Variants in IQSEC1 observed in about 807,000 individuals in gnomAD.
The protein encoded by IQSEC1 is IQ motif and Sec7 domain ArfGEF 1, also known as IQ motif and SEC7 domain-containing protein 1.
Under a neutral mutation model 91.0 loss-of-function variants are expected in IQSEC1, and 31 were observed. That is an observed-to-expected ratio of 0.34 (90% CI 0.26 to 0.46). IQSEC1 has a LOEUF of 0.46. Among genes scored for constraint, IQSEC1 ranks in the 20% least tolerant of loss-of-function variants. The pLI, the probability that IQSEC1 is intolerant of heterozygous loss-of-function variation, is 1.00. For missense variants in IQSEC1, 1,388 were observed against 1,575.6 expected (o/e 0.88, Z 2.02); for synonymous variants, 699 against 662.6 (o/e 1.05, Z -0.84).
chr3:13,069,623 G>C (rs2125108169), intron 1 of IQSEC1, among the ~76,000 whole-genome samples: 1 of 152,348 alleles, frequency 6.6e-6, no homozygotes, highest in South Asian at 2.1e-4. Context: ...ATGAATGATT[G>C]AACAGGCATG....
intron 1 of IQSEC1, among the ~76,000 whole-genome samples, chr3:12,955,191 ACT>A (rs1331933509): frequency 6.6e-6 from 1 of 152,224 alleles, no homozygotes; most frequent in Non-Finnish European, 1.5e-5. Context: ...TGCTGAAAAC[ACT>A]GTCCTGCAGG....
At chr3:13,186,303 C>G (rs987263241) in intron 1 of IQSEC1, among the ~76,000 whole-genome samples, 2 of 152,172 alleles carry the variant, frequency 1.3e-5, no homozygotes, top group African/African-American at 2.4e-5. Flanking sequence ...GAAGCTTGCA[C>G]TGGGAAGAGA....
chr3:12,920,625 C>T (rs376434148), intron 5 of IQSEC1, 29 bp from the exon 6 acceptor site: 65 of 1,611,268 alleles, frequency 4.0e-5, no homozygotes, highest in Non-Finnish European at 5.3e-5. Flanking sequence ...GGGGTCAGGG[C>T]CATGGCGCAG....
chr3:13,277,137 A>AAAAAAAAAAAAAAAAAAAAAAAAC (rs60347391), intron 1 of IQSEC1, among the ~76,000 whole-genome samples: 2 of 118,386 alleles, frequency 1.7e-5, no homozygotes, highest in African/African-American at 7.3e-5. Context: ...AAAAAAAAAA[A>AAAAAAAAAAAAAAAAAAAAAAAAC]CAGAAAACAA....
intron 2 of IQSEC1, among the ~76,000 whole-genome samples, chr3:13,151,839 G>A (rs1251526823): frequency 6.6e-6 from 1 of 152,012 alleles, no homozygotes; most frequent in East Asian, 1.9e-4. Context: ...GGTGGCAGGT[G>A]CCTGTAATCC....
At chr3:13,236,056 A>G (rs28410963) in intron 1 of IQSEC1, among the ~76,000 whole-genome samples, 4,995 of 151,952 alleles carry the variant, frequency 0.033, 277 homozygotes, top group African/African-American at 0.11. Flanking sequence ...GCCTTACGAG[A>G]TAGATGTATG....
Position 12,979,788 on chromosome 3 carries a change from T to TC in IQSEC1, c.24-37924dup, listed in dbSNP as rs1454967875. Among the ~76,000 whole-genome samples the TC allele has an allele frequency of 6.6e-6, 1 of 152,120 alleles. No homozygotes were observed. Among genetic ancestry groups the TC allele is most frequent in the Non-Finnish European group, 1.5e-5 (1 of 68,010 alleles). ...CTCTCTCATGTTCCAGGTGGTATGCTCCATGTCACCAAGAGCTGAGCCTGT... is the reference window on the plus strand; with the variant it reads ...CTCTCTCATGTTCCAGGTGGTATGCTCCCATGTCACCAAGAGCTGAGCCTGT... On this transcript the variant is annotated intron_variant, in intron 1 of 13. Transcript: ENST00000613206. This position sits in a 1 kb window ranked among gnomAD's most constrained non-coding sequence, Gnocchi z 4.3.
chr3:12,908,449 G>A lies in IQSEC1; in HGVS notation c.2655C>T (p.Asn885=), dbSNP rs552557649. 22 of 1,613,528 alleles carry A rather than the reference G, an allele frequency of 1.4e-5. No homozygotes were observed. The highest frequency in any genetic ancestry group is 6.6e-5 in the South Asian group (6 of 91,074). The change falls in exon 12 of 14, where the codon AAC becomes AAT. Residue 885 remains asparagine, a synonymous_variant. Coordinates refer to ENST00000613206, the MANE Select transcript of IQSEC1 (RefSeq NM_001134382.3). This position sits in a 1 kb window ranked among gnomAD's most constrained non-coding sequence, Gnocchi z 4.9. The stretch of plus-strand genomic sequence containing the variant: ...CCAGGCAGGCCCGGCTCAGTGTTCC[G>A]TTGCCCGACTCCTTTTTGAGGCTAG... ...QCSSLKKESG[N]GTLSRACLDD...
intron 1 of IQSEC1, among the ~76,000 whole-genome samples, chr3:13,264,353 G>A (rs1309666535): frequency 6.6e-6 from 1 of 152,202 alleles, no homozygotes; most frequent in African/African-American, 2.4e-5. Flanking sequence ...GGAGGCCGAG[G>A]GCTCTAAGGA....
At chr3:13,124,417 G>A (rs933079612) in intron 2 of IQSEC1, among the ~76,000 whole-genome samples, 4 of 152,222 alleles carry the variant, frequency 2.6e-5, no homozygotes, top group Non-Finnish European at 4.4e-5. Flanking sequence ...CTCTAAGGAA[G>A]ATCACATCCA....
rs1694442585 is a variant in IQSEC1, at chr3:13,211,448, T to C, written c.273-47315A>G. On this transcript the variant is annotated intron_variant, in intron 1 of 15. Transcript: ENST00000648114. This position sits in a 1 kb window ranked among gnomAD's most constrained non-coding sequence, Gnocchi z 5.3. The stretch of plus-strand genomic sequence containing the variant: ...GGCCCCCTCTGCCCCCTGCCCCAGG[T>C]CACCTTACAAACAAAGACCCCAACT... 6.8e-6 allele frequency among the ~76,000 whole-genome samples: 1 copy of C among 147,630 alleles called. No homozygotes were observed. Among genetic ancestry groups the C allele is most frequent in the South Asian group, 2.2e-4 (1 of 4,538 alleles).
chr3:12,907,748 C>T (rs964697410), intron 12 of IQSEC1, among the ~76,000 whole-genome samples: 1 of 152,340 alleles, frequency 6.6e-6, no homozygotes, highest in African/African-American at 2.4e-5. Context: ...AAACAGCTGG[C>T]AGCAAATTAA....
chr3:12,918,622 G>C (rs1696330562), intron 6 of IQSEC1, among the ~76,000 whole-genome samples: 1 of 152,134 alleles, frequency 6.6e-6, no homozygotes, highest in Non-Finnish European at 1.5e-5. Context: ...TTCAAGACCA[G>C]CCTGGGCAAC....
intron 1 of IQSEC1, among the ~76,000 whole-genome samples, chr3:13,036,531 T>C (rs1007494125): frequency 9.9e-5 from 15 of 152,178 alleles, no homozygotes; most frequent in African/African-American, 3.4e-4. Flanking sequence ...AGAACTGCAC[T>C]GTCCCCTCAA....
At chr3:13,123,344 A>G (rs1449878325) in intron 2 of IQSEC1, among the ~76,000 whole-genome samples, 1 of 152,238 alleles carries the variant, frequency 6.6e-6, no homozygotes, top group Admixed American at 6.5e-5. Flanking sequence ...ATCTTCTAAT[A>G]AAAAGACATT....
chr3:13,186,670 G>T lies in IQSEC1; in HGVS notation c.273-22537C>A, dbSNP rs370975092. ...AGACGGGGCAGAGCTAGTTCAGGGTGAGTCCTTGGGTGGTCCCAAGGAGGA... is the reference window on the plus strand; with the variant it reads ...AGACGGGGCAGAGCTAGTTCAGGGTTAGTCCTTGGGTGGTCCCAAGGAGGA... On this transcript the variant is annotated intron_variant, in intron 1 of 15. Transcript: ENST00000648114. 6.2e-3 allele frequency among the ~76,000 whole-genome samples: 941 copies of T among 152,274 alleles called. 42 individuals are homozygous for T. In the South Asian group the frequency reaches 0.11, roughly 18 times the overall value.
chr3:13,111,888 C>T (rs1400103061), intron 2 of IQSEC1, among the ~76,000 whole-genome samples: 1 of 152,158 alleles, frequency 6.6e-6, no homozygotes, highest in Non-Finnish European at 1.5e-5. Flanking sequence ...TTTAAGCCCC[C>T]ACAAGTCTCC....
chr3:13,217,502 T>C (rs1439304297), intron 1 of IQSEC1, among the ~76,000 whole-genome samples: 1 of 152,174 alleles, frequency 6.6e-6, no homozygotes, highest in East Asian at 1.9e-4. Context: ...ACACCATTTT[T>C]TTCACAATGC....
Position 12,935,760 on chromosome 3 carries a change from T to C in IQSEC1, c.1256A>G (p.Glu419Gly), listed in dbSNP as rs548917993. 308 of 1,608,550 alleles carry C rather than the reference T, an allele frequency of 1.9e-4. No homozygotes were observed. Among genetic ancestry groups the C allele is most frequent in the Non-Finnish European group, 2.5e-4 (297 of 1,179,636 alleles). Residue 419 changes from glutamate (E) to glycine (G), a missense_variant, in exon 3 of 14, where the codon GAG (glutamate) becomes GGG (glycine). Coordinates refer to ENST00000613206, the MANE Select transcript of IQSEC1 (RefSeq NM_001134382.3). This position sits in a 1 kb window ranked among gnomAD's most constrained non-coding sequence, Gnocchi z 8.0. ...GGGCCGGGGCCGCAACTCAGGCTCCTCCCGGGGGAGGCTCTTGGGGGCGCC... is the reference window on the plus strand; with the variant it reads ...GGGCCGGGGCCGCAACTCAGGCTCCCCCCGGGGGAGGCTCTTGGGGGCGCC... Reference protein sequence around the residue: ...HSGAPKSLPREEPELRPRPPR... With the variant: ...HSGAPKSLPRGEPELRPRPPR...
Sources: gnomAD v4.1 joint callset for allele counts (sites outside exome capture counted in the v4.1 genomes callset) on GRCh38, gnomAD v4.1.1 for gene constraint, Gnocchi (gnomAD v3.1) non-coding constraint, MANE v1.5 for transcripts, NCBI Gene and HGNC (gene_info 2026-07-23, HGNC 2026-07-21) for gene names.